The following CACNA1S variants were observed in gnomAD, a reference collection of about 807,000 sequenced individuals.
The protein encoded by CACNA1S is calcium voltage-gated channel subunit alpha1 S.
Under a neutral mutation model 207.4 loss-of-function variants are expected in CACNA1S, and 126 were observed. The ratio of observed to expected loss-of-function variants is 0.61; its 90% confidence interval spans 0.53 to 0.70. CACNA1S has a LOEUF of 0.70. Among genes scored for constraint, CACNA1S ranks in the 30% least tolerant of loss-of-function variants. The pLI is 0.00. For missense variants in CACNA1S, 2,349 were observed against 2,422.8 expected, an observed-to-expected ratio of 0.97 and a Z score of 0.64; for synonymous variants, 960 against 932.7, an observed-to-expected ratio of 1.03 and a Z score of -0.53.
At position 201,044,438 on chromosome 1, in the gene CACNA1S, C is replaced by T. The variant is rs767094618; in HGVS notation, c.4687G>A (p.Glu1563Lys). 3 of 1,612,970 alleles carry T rather than the reference C, an allele frequency of 1.9e-6. No homozygotes were observed. Among genetic ancestry groups the T allele is most frequent in the South Asian group, 2.2e-5 (2 of 91,048 alleles). Reference protein sequence around the residue: ...VQIQAGLRTIEEEAAPEICRT... With the variant: ...VQIQAGLRTIKEEAAPEICRT... The stretch of plus-strand genomic sequence containing the variant: ...CAGATCTCGGGGGCTGCCTCTTCCT[C>T]AATGGTCCGCAGCCCTGCCTGGGGA... The change falls in exon 39 of 44, where the codon GAG becomes AAG. Residue 1563 changes from glutamate to lysine, a missense_variant. Transcript: ENST00000362061.
Position 201,083,278 on chromosome 1 carries a change from T to C in CACNA1S, c.1277A>G (p.His426Arg), listed in dbSNP as rs749572656. ...QWNRIFRWKC[H>R]DIVKSKVFYW... Reference sequence around the variant, plus strand: ...GAAGACCTTGGACTTCACGATGTCATGGCACTTCCAGCGAAAGATGCGGTT... The same window carrying C: ...GAAGACCTTGGACTTCACGATGTCACGGCACTTCCAGCGAAAGATGCGGTT... The change falls in exon 10 of 44, where the codon CAT becomes CGT. Residue 426 changes from histidine (H) to arginine (R), a missense_variant. By Grantham distance (29) the His-to-Arg change is conservative. Coordinates refer to ENST00000362061, the MANE Select transcript of CACNA1S (RefSeq NM_000069.3). 7.4e-6 allele frequency: 12 copies of C among 1,614,106 alleles called. No individual in the cohort carries two copies. The highest frequency in any genetic ancestry group is 9.3e-6 in the Non-Finnish European group (11 of 1,180,056).
At position 201,069,498 on chromosome 1, in the gene CACNA1S, T is replaced by G. The variant is rs1235946472; in HGVS notation, c.2464A>C (p.Ile822Leu). Residue 822 changes from isoleucine to leucine, a missense_variant, in exon 18 of 44, where the codon ATC becomes CTC. Transcript: ENST00000362061. ...TGATTTCTCATGGAATCAGCCCGGA[T>G]GGGGTCTTCCGCAGCCAGTGCAGCG... is the stretch of plus-strand genomic sequence containing the variant. ...SSAALAAEDP[I>L]RADSMRNQIL... 1 of 1,601,410 alleles carries G rather than the reference T, an allele frequency of 6.2e-7. No homozygotes were observed. The highest frequency in any genetic ancestry group is 8.5e-7 in the Non-Finnish European group (1 of 1,175,402).
At chr1:201,079,009 T>TACTC (rs1399615040) in intron 10 of CACNA1S, among the ~76,000 whole-genome samples, 1 of 151,316 alleles carries the variant, frequency 6.6e-6, no homozygotes, top group African/African-American at 2.4e-5. Context: ...TAGTCCCAGC[T>TACTC]ACTCGGGAGG....
At chr1:201,056,720 C>A (rs1187198316) in intron 28 of CACNA1S, among the ~76,000 whole-genome samples, 4 of 152,152 alleles carry the variant, frequency 2.6e-5, no homozygotes, top group Admixed American at 6.5e-5. Context: ...AGCTACAGAC[C>A]CCTGGCAAGG....
At chr1:201,075,663 A>G (rs1470228089) in intron 12 of CACNA1S, 48 bp from the exon 13 acceptor site, 2 of 1,606,432 alleles carry the variant, frequency 1.2e-6, no homozygotes, top group Non-Finnish European at 1.7e-6. Context: ...GGGGCCTGAG[A>G]GTCTTCTATT....
Position 201,074,582 on chromosome 1 carries a change from T to C in CACNA1S, c.1987A>G (p.Asn663Asp), listed in dbSNP as rs1390846125. ...LNVFLAIAVD[N>D]LAEAESLTSA... ...GTCAGGCTCTCCGCCTCGGCCAGGT[T>C]GTCCACGGCAATGGCCAGGAAGACA... The change falls in exon 14 of 44, where the codon AAC becomes GAC. Residue 663 changes from asparagine (N) to aspartate (D), a missense_variant. Physicochemically the swap from Asn to Asp is conservative, Grantham distance 23. Transcript: ENST00000362061. 6.2e-7 allele frequency: 1 copy of C among 1,614,026 alleles called. No individual in the cohort carries two copies. Among genetic ancestry groups the C allele is most frequent in the Non-Finnish European group, 8.5e-7 (1 of 1,179,916 alleles).
intron 12 of CACNA1S, among the ~76,000 whole-genome samples, chr1:201,076,595 G>A (rs757057658): frequency 6.6e-6 from 1 of 152,206 alleles, no homozygotes; most frequent in Non-Finnish European, 1.5e-5. Flanking sequence ...CCTGAGACCT[G>A]AGTGGCACAT....
intron 3 of CACNA1S, among the ~76,000 whole-genome samples, 165 bp downstream of exon 3, chr1:201,093,717 T>G (rs1386671719): frequency 6.6e-6 from 1 of 152,162 alleles, no homozygotes; most frequent in Non-Finnish European, 1.5e-5. Flanking sequence ...TCCACCAACA[T>G]GGACAGCTCC....
At chr1:201,062,760 T>A (rs1251176551) in intron 22 of CACNA1S, among the ~76,000 whole-genome samples, 1 of 152,258 alleles carries the variant, frequency 6.6e-6, no homozygotes, top group African/African-American at 2.4e-5. Context: ...CCAGCCTAGA[T>A]GCTGCCAAGA....
chr1:201,061,253 G>T lies in CACNA1S; in HGVS notation c.3255+14C>A, dbSNP rs771897930. On this transcript the variant is annotated intron_variant, in intron 25 of 43. Coordinates refer to ENST00000362061, the MANE Select transcript of CACNA1S (RefSeq NM_000069.3). ...GGAGCTCTGCCCTCCACCTCTGGCA[G>T]GCAGCCCAGGCACCTGGTTCTTGTC... 2 of 1,612,760 alleles carry T rather than the reference G, an allele frequency of 1.2e-6. No homozygotes were observed. The highest frequency in any genetic ancestry group is 1.7e-6 in the Non-Finnish European group (2 of 1,178,758).
chr1:201,081,207 G>A (rs1176546968), intron 10 of CACNA1S, among the ~76,000 whole-genome samples: 2 of 152,194 alleles, frequency 1.3e-5, no homozygotes, highest in Admixed American at 6.5e-5. Flanking sequence ...TAGGAACCCA[G>A]CTGCTACCCA....
At chr1:201,110,803 AC>A (rs1663070229) in intron 1 of CACNA1S, among the ~76,000 whole-genome samples, 1 of 151,894 alleles carries the variant, frequency 6.6e-6, no homozygotes, top group Admixed American at 6.6e-5. Context: ...ACGTGCTCAC[AC>A]CCATCACACC....
In CACNA1S at chr1:201,061,270, G is replaced by C. The variant is rs776462121; in HGVS notation, c.3252C>G (p.Asn1084Lys). 6.2e-7 allele frequency: 1 copy of C among 1,614,098 alleles called. No individual in the cohort carries two copies. The highest frequency in any genetic ancestry group is 8.5e-7 in the Non-Finnish European group (1 of 1,179,956). ...CTCTGGCAGGCAGCCCAGGCACCTG[G>C]TTCTTGTCCAGCTCACAGTTCTTGT... ...TEYKNCELDK[N>K]QRQCVQYALK... Residue 1084 changes from asparagine to lysine, a missense_variant, in exon 25 of 44, where the codon AAC (asparagine) becomes AAG (lysine). Coordinates refer to ENST00000362061, the MANE Select transcript of CACNA1S (RefSeq NM_000069.3).
Position 201,066,174 on chromosome 1 carries a change from GCCCCTGTAACCCCT to G in CACNA1S, c.2745+41_2745+54del. 1.3e-6 allele frequency: 2 copies of G among 1,517,074 alleles called. No individual in the cohort carries two copies. The highest frequency in any genetic ancestry group is 1.8e-6 in the Non-Finnish European group (2 of 1,092,020). The allele number at this position is 1,517,074 out of a possible 1,614,324, so 94.0% of individuals were successfully genotyped here. On this transcript the variant is annotated intron_variant, in intron 21 of 43. Transcript: ENST00000362061. The surrounding 1 kb of genome is among the most constrained non-coding windows in gnomAD (Gnocchi z 4.3). ...GGGCTGAGGTTTCTGGAGCGAGGAG[GCCCCTGTAACCCCT>G]CCCATTCCTCTCTGGGGCTCCTGCC...
chr1:201,072,790 TCATTGA>T lies in CACNA1S; in HGVS notation c.2186_2191del (p.Val729_Asn730del). 6.2e-7 allele frequency: 1 copy of T among 1,613,898 alleles called. No homozygotes were observed. Among genetic ancestry groups the T allele is most frequent in the Non-Finnish European group, 8.5e-7 (1 of 1,179,828 alleles). On this transcript the variant is annotated inframe_deletion, in exon 16 of 44. Coordinates refer to ENST00000362061, the MANE Select transcript of CACNA1S (RefSeq NM_000069.3). The stretch of plus-strand genomic sequence containing the variant: ...GGCTGAGGGGTAGGGATCCTTCACC[TCATTGA>T]CATTAGATTCAAACTCATCGATTTT...
rs934640181 is a variant in CACNA1S at position 201,053,056 on chromosome 1, G to A, written c.3861+153C>T. On this transcript the variant is annotated intron_variant, in intron 31 of 43. Coordinates refer to ENST00000362061, the MANE Select transcript of CACNA1S (RefSeq NM_000069.3). This position sits in a 1 kb window ranked among gnomAD's most constrained non-coding sequence, Gnocchi z 5.1. ...AGCATCTGACACTCCAGCCATCCAC[G>A]ATCAGGGAGGTTGTCCCTCCTTCTT... is the stretch of plus-strand genomic sequence containing the variant. Among the ~76,000 whole-genome samples, 4 of 152,142 alleles carry A rather than the reference G, an allele frequency of 2.6e-5. No individual in the cohort carries two copies. The highest frequency in any genetic ancestry group is 2.1e-4 in the South Asian group (1 of 4,830).
rs1572039238 is a variant in CACNA1S at position 201,066,073 on chromosome 1, G to A, written c.2746-128C>T. 2 of 922,342 alleles carry A rather than the reference G, an allele frequency of 2.2e-6. No homozygotes were observed. The highest frequency in any genetic ancestry group is 1.7e-6 in the Non-Finnish European group (1 of 574,686). The allele number at this position is 922,342 out of a possible 1,614,324, so 57.1% of individuals were successfully genotyped here. A position where few individuals can be genotyped will look rare whatever the true frequency, so the allele number is the denominator to read the frequency against. On this transcript the variant is annotated intron_variant, in intron 21 of 43. Coordinates refer to ENST00000362061, the MANE Select transcript of CACNA1S (RefSeq NM_000069.3). The surrounding 1 kb of genome is among the most constrained non-coding windows in gnomAD (Gnocchi z 4.3). ...AGTTGGAGGTGGGGAAAGGCTGGTGGGGAAGCATAGCTACCCCAGCCTCAT... is the reference window on the plus strand; with the variant it reads ...AGTTGGAGGTGGGGAAAGGCTGGTGAGGAAGCATAGCTACCCCAGCCTCAT...
chr1:201,085,333 G>A (rs1662001331), intron 8 of CACNA1S, 103 bp downstream of exon 8: 2 of 1,480,142 alleles, frequency 1.4e-6, no homozygotes, highest in South Asian at 1.1e-5. Flanking sequence ...CACCCTCAAA[G>A]GACTAATGTT....
intron 13 of CACNA1S, 108 bp downstream of exon 13, chr1:201,075,387 C>A (rs946414987): frequency 7.1e-6 from 10 of 1,406,170 alleles, no homozygotes; most frequent in Admixed American, 5.1e-5. Context: ...TCCCCTCCAG[C>A]CAGAGGGCCT....
Sources: gnomAD v4.1 joint callset for allele counts (sites outside exome capture counted in the v4.1 genomes callset) on GRCh38, gnomAD v4.1.1 for gene constraint, Gnocchi (gnomAD v3.1) non-coding constraint, MANE v1.5 for transcripts, NCBI Gene and HGNC (gene_info 2026-07-23, HGNC 2026-07-21) for gene names.